The following TDRD3 variants were observed in gnomAD, a reference collection of about 807,000 sequenced individuals.
The protein encoded by TDRD3 is tudor domain containing 3.
TDRD3 carries 45 observed loss-of-function variants against 86.7 expected under a neutral mutation model. That is an observed-to-expected ratio of 0.52 (90% CI 0.41 to 0.67). The LOEUF is 0.67. Ranked by LOEUF, TDRD3 falls within the 30% of genes least tolerant of loss-of-function variation. The pLI is 0.00. For missense variants in TDRD3, 814 were observed against 889.0 expected, an observed-to-expected ratio of 0.92 and a Z score of 1.07; for synonymous variants, 298 against 301.7, an observed-to-expected ratio of 0.99 and a Z score of 0.13.
chr13:60,413,489 G>A (rs1368149302), intron 1 of TDRD3, among the ~76,000 whole-genome samples: 1 of 152,116 alleles, frequency 6.6e-6, no homozygotes, highest in Admixed American at 6.5e-5. Flanking sequence ...ATAAAATGGT[G>A]TCAATATTAT....
intron 3 of TDRD3, among the ~76,000 whole-genome samples, chr13:60,446,597 A>G (rs533900547): frequency 2.0e-5 from 3 of 152,220 alleles, no homozygotes; most frequent in Middle Eastern, 6.8e-3. Flanking sequence ...AATTGTCTTC[A>G]CCAGTATTAA....
At position 60,431,232 on chromosome 13, in the gene TDRD3, A is replaced by G. The variant is rs1032361786; in HGVS notation, c.42-8456A>G. 3.3e-5 allele frequency among the ~76,000 whole-genome samples: 5 copies of G among 152,062 alleles called. No individual in the cohort carries two copies. The East Asian group carries it at 7.7e-4, about 23-fold the overall frequency. On this transcript the variant is annotated intron_variant, in intron 1 of 13. Coordinates refer to ENST00000377881, the MANE Select transcript of TDRD3 (RefSeq NM_001146070.2). ...ATGTCAGAAACCTTTAAGCTAGTTT[A>G]GTATCTCTTCAGGGTCTTAGCTTCA...
intron 12 of TDRD3, among the ~76,000 whole-genome samples, chr13:60,542,797 C>T (rs906274309): frequency 1.3e-5 from 2 of 151,886 alleles, no homozygotes; most frequent in Admixed American, 6.6e-5. Context: ...ACATTATATC[C>T]TTTTGGCCTT....
chr13:60,516,273 A>G (rs1300970992), intron 10 of TDRD3, among the ~76,000 whole-genome samples: 1 of 152,224 alleles, frequency 6.6e-6, no homozygotes, highest in Non-Finnish European at 1.5e-5. Context: ...GTTATGTCAT[A>G]TCAGATTCTG....
intron 7 of TDRD3, among the ~76,000 whole-genome samples, chr13:60,493,164 C>T (rs940164640): frequency 2.0e-5 from 3 of 151,626 alleles, no homozygotes; most frequent in East Asian, 3.9e-4. Context: ...GTGATCCACC[C>T]GTCTCGGCCT....
At chr13:60,510,204 T>G (rs576826697) in intron 9 of TDRD3, among the ~76,000 whole-genome samples, 2 of 152,344 alleles carry the variant, frequency 1.3e-5, no homozygotes, top group South Asian at 4.1e-4. Flanking sequence ...AATATGTGAC[T>G]GGTTCTATTA....
intron 3 of TDRD3, among the ~76,000 whole-genome samples, chr13:60,457,881 C>G (rs1375541581): frequency 2.0e-5 from 3 of 152,108 alleles, no homozygotes; most frequent in Non-Finnish European, 1.5e-5. Context: ...GTGTTTGTTT[C>G]CCCTTCTCTT....
chr13:60,540,594 G>A (rs550493130), intron 12 of TDRD3, among the ~76,000 whole-genome samples: 7 of 152,074 alleles, frequency 4.6e-5, no homozygotes, highest in African/African-American at 1.2e-4. Flanking sequence ...TAAGCCTAAC[G>A]GAATATTATG....
At chr13:60,468,211 C>T (rs899385646) in intron 5 of TDRD3, among the ~76,000 whole-genome samples, 3 of 152,144 alleles carry the variant, frequency 2.0e-5, no homozygotes, top group Non-Finnish European at 4.4e-5. Context: ...AATTCTTCCA[C>T]ATAGATCTTG....
intron 10 of TDRD3, among the ~76,000 whole-genome samples, chr13:60,523,573 C>CTTTTT (rs67692021): frequency 9.5e-5 from 10 of 105,054 alleles, no homozygotes; most frequent in Non-Finnish European, 1.4e-4. Flanking sequence ...ATACATTTTT[C>CTTTTT]TTTTTTTTTT....
intron 8 of TDRD3, among the ~76,000 whole-genome samples, chr13:60,495,550 G>A (rs1208304702): frequency 6.6e-6 from 1 of 151,634 alleles, no homozygotes; most frequent in Non-Finnish European, 1.5e-5. Flanking sequence ...TGCAGCCTCT[G>A]CCTCCTGGGT....
At chr13:60,538,327 T>C (rs1957740466) in intron 12 of TDRD3, among the ~76,000 whole-genome samples, 1 of 151,922 alleles carries the variant, frequency 6.6e-6, no homozygotes, top group South Asian at 2.1e-4. Flanking sequence ...TCAAAATGAT[T>C]CATTAAACTT....
intron 10 of TDRD3, among the ~76,000 whole-genome samples, chr13:60,525,103 A>AC (rs1219526693): frequency 1.4e-4 from 21 of 149,364 alleles, no homozygotes; most frequent in Non-Finnish European, 2.8e-4. Flanking sequence ...AAAAAAAAAA[A>AC]AAAAAACCCC....
chr13:60,507,361 A>G (rs893634842), intron 8 of TDRD3, among the ~76,000 whole-genome samples: 1 of 152,202 alleles, frequency 6.6e-6, no homozygotes, highest in Non-Finnish European at 1.5e-5. Context: ...AGACATCTAC[A>G]GAACTCTCCA....
At chr13:60,451,653 G>A (rs1341646913) in intron 3 of TDRD3, among the ~76,000 whole-genome samples, 3 of 152,036 alleles carry the variant, frequency 2.0e-5, no homozygotes, top group Non-Finnish European at 4.4e-5. Flanking sequence ...CTGCATTGTG[G>A]AATTAAGCCA....
At chr13:60,431,203 A>G (rs1432895886) in intron 1 of TDRD3, among the ~76,000 whole-genome samples, 1 of 152,036 alleles carries the variant, frequency 6.6e-6, no homozygotes, top group East Asian at 1.9e-4. Context: ...CCAACAAAAA[A>G]CAAATGTCAG....
chr13:60,476,896 TG>T (rs1400082794), intron 5 of TDRD3, among the ~76,000 whole-genome samples: 3 of 152,322 alleles, frequency 2.0e-5, no homozygotes, highest in Admixed American at 6.5e-5. Flanking sequence ...TTTTATACAT[TG>T]ATTTTGTATG....
At chr13:60,558,596 G>A (rs989417586) in intron 12 of TDRD3, among the ~76,000 whole-genome samples, 7 of 152,062 alleles carry the variant, frequency 4.6e-5, no homozygotes, top group Non-Finnish European at 8.8e-5. Context: ...AATTTTAAGG[G>A]TGTAGGCTAA....
At chr13:60,412,122 A>T (rs1233064821) in intron 1 of TDRD3, among the ~76,000 whole-genome samples, 1 of 152,214 alleles carries the variant, frequency 6.6e-6, no homozygotes, top group Admixed American at 6.5e-5. Context: ...TATAAACTGT[A>T]AAACCTTGTG....
Sources: gnomAD v4.1 joint callset for allele counts (sites outside exome capture counted in the v4.1 genomes callset) on GRCh38, gnomAD v4.1.1 for gene constraint, MANE v1.5 for transcripts, NCBI Gene and HGNC (gene_info 2026-07-23, HGNC 2026-07-21) for gene names.